Variants in DLGAP2 observed in about 807,000 individuals in gnomAD.
DLGAP2 encodes the protein disks large-associated protein 2.
In DLGAP2, 26 loss-of-function variants were observed where a neutral mutation model predicts 100.3. That is an observed-to-expected ratio of 0.26 (90% CI 0.19 to 0.36). The LOEUF is 0.36. Among genes scored for constraint, DLGAP2 ranks in the 10% least tolerant of loss-of-function variants. The pLI is 1.00. For synonymous variants in DLGAP2, 886 were observed against 630.1 expected (o/e 1.41, Z -6.08); for missense variants, 1,858 against 1,453.2 (o/e 1.28, Z -4.53).
At chr8:1,626,969 G>T (rs1007081095) in intron 7 of DLGAP2, 82 bp downstream of exon 7, 10 of 1,489,072 alleles carry the variant, frequency 6.7e-6, no homozygotes, top group South Asian at 6.5e-5. Flanking sequence ...CATAGGTGGC[G>T]ATGGCGCTGC....
At chr8:1,664,371 C>G (rs547253566) in intron 8 of DLGAP2, among the ~76,000 whole-genome samples, 1 of 152,250 alleles carries the variant, frequency 6.6e-6, no homozygotes, top group East Asian at 1.9e-4. Flanking sequence ...CACGGCCAGG[C>G]TCACCCCCAG....
intron 2 of DLGAP2, among the ~76,000 whole-genome samples, chr8:1,185,276 A>G (rs190093793): frequency 5.9e-5 from 9 of 151,968 alleles, no homozygotes. Flanking sequence ...TTCTTTGTCA[A>G]ACTTCAGGGC....
intron 3 of DLGAP2, among the ~76,000 whole-genome samples, chr8:1,285,209 C>G (rs1421689954): frequency 1.3e-5 from 2 of 152,128 alleles, no homozygotes; most frequent in Non-Finnish European, 2.9e-5. Flanking sequence ...TGGCTCCCAT[C>G]GTGGACTGAG....
At chr8:1,119,820 G>A (rs1795993731) in intron 2 of DLGAP2, among the ~76,000 whole-genome samples, 1 of 152,224 alleles carries the variant, frequency 6.6e-6, no homozygotes, top group Non-Finnish European at 1.5e-5. Flanking sequence ...CCTTGACTTA[G>A]GAGAGTGGTT....
At chr8:770,953 T>C (rs1012772144) in intron 1 of DLGAP2, among the ~76,000 whole-genome samples, 2 of 152,100 alleles carry the variant, frequency 1.3e-5, no homozygotes, top group African/African-American at 2.4e-5. Context: ...GATGTGGTCT[T>C]CTTAGTGTAA....
At chr8:1,444,261 G>A (rs772855353) in intron 3 of DLGAP2, among the ~76,000 whole-genome samples, 11 of 152,110 alleles carry the variant, frequency 7.2e-5, no homozygotes, top group Non-Finnish European at 1.3e-4. Context: ...CAATATCATC[G>A]TCTTCAATAC....
intron 6 of DLGAP2, among the ~76,000 whole-genome samples, chr8:1,625,905 G>T (rs181950991): frequency 2.0e-5 from 3 of 151,964 alleles, no homozygotes; most frequent in African/African-American, 7.2e-5. Flanking sequence ...CAGACATTCA[G>T]TTGGAAATGT....
intron 1 of DLGAP2, among the ~76,000 whole-genome samples, chr8:823,550 C>T (rs903202033): frequency 6.6e-6 from 1 of 152,182 alleles, no homozygotes; most frequent in Non-Finnish European, 1.5e-5. Flanking sequence ...AGACCCTTGA[C>T]TTCCGTCAGC....
intron 6 of DLGAP2, among the ~76,000 whole-genome samples, chr8:1,592,314 T>G (rs529183905): frequency 1.3e-5 from 2 of 152,282 alleles, no homozygotes; most frequent in Admixed American, 1.3e-4. Flanking sequence ...GTAAAAATCT[T>G]TAATTATGAA....
At chr8:1,418,525 G>C (rs962470385) in intron 3 of DLGAP2, among the ~76,000 whole-genome samples, 4 of 152,088 alleles carry the variant, frequency 2.6e-5, no homozygotes, top group African/African-American at 9.7e-5. Flanking sequence ...TACTTTCACA[G>C]TCAAAATGGA....
rs746843907 is a variant in DLGAP2 at position 1,668,457 on chromosome 8, G to T, written c.1939G>T (p.Ala647Ser). The change falls in exon 9 of 15, where the codon GCA (alanine) becomes TCA (serine). Residue 647 changes from alanine to serine, a missense_variant. Physicochemically the swap from Ala to Ser is moderately conservative, Grantham distance 99. Coordinates refer to ENST00000637795, the MANE Select transcript of DLGAP2 (RefSeq NM_001346810.2). ...STQDAYQDSR[A>S]QRMSPWPQDS... ...CCAGGACGCCTACCAGGACAGCCGCGCACAGAGGATGTCCCCGTGGCCCCA... is the reference window on the plus strand; with the variant it reads ...CCAGGACGCCTACCAGGACAGCCGCTCACAGAGGATGTCCCCGTGGCCCCA... 2 of 1,595,618 alleles carry T rather than the reference G, an allele frequency of 1.3e-6. No individual in the cohort carries two copies. Among genetic ancestry groups the T allele is most frequent in the Non-Finnish European group, 1.7e-6 (2 of 1,171,924 alleles).
intron 6 of DLGAP2, among the ~76,000 whole-genome samples, chr8:1,603,398 G>A (rs1018463214): frequency 6.6e-6 from 1 of 151,358 alleles, no homozygotes; most frequent in African/African-American, 2.4e-5. Flanking sequence ...GTTCTGTAGA[G>A]GCTGGTTAGA....
At chr8:833,998 G>A (rs1796827574) in intron 1 of DLGAP2, among the ~76,000 whole-genome samples, 1 of 152,222 alleles carries the variant, frequency 6.6e-6, no homozygotes, top group Non-Finnish European at 1.5e-5. Context: ...GCTCGCCCTT[G>A]TGTGGGACAC....
intron 2 of DLGAP2, among the ~76,000 whole-genome samples, chr8:1,167,168 A>C (rs936311306): frequency 6.6e-6 from 1 of 152,120 alleles, no homozygotes; most frequent in African/African-American, 2.4e-5. Context: ...CAATTTGTAA[A>C]AGCCTCCTGA....
At chr8:1,087,483 G>A (rs1804012978) in intron 2 of DLGAP2, among the ~76,000 whole-genome samples, 2 of 151,316 alleles carry the variant, frequency 1.3e-5, no homozygotes, top group African/African-American at 4.9e-5. Flanking sequence ...TTGGCAGGAT[G>A]ATTTGTAATC....
At chr8:1,638,556 C>T (rs1237607200) in intron 8 of DLGAP2, among the ~76,000 whole-genome samples, 5 of 152,246 alleles carry the variant, frequency 3.3e-5, no homozygotes, top group African/African-American at 1.2e-4. Context: ...CAGAAGAGCA[C>T]GGAGAAGACA....
chr8:1,338,287 T>C (rs1349080056), intron 3 of DLGAP2, among the ~76,000 whole-genome samples: 1 of 152,230 alleles, frequency 6.6e-6, no homozygotes, highest in Non-Finnish European at 1.5e-5. Flanking sequence ...ATGTTCCCCA[T>C]TAGCCCATCT....
intron 1 of DLGAP2, among the ~76,000 whole-genome samples, chr8:796,448 C>T (rs1372965691): frequency 6.6e-6 from 1 of 152,004 alleles, no homozygotes; most frequent in African/African-American, 2.4e-5. Context: ...TGATGCTGTT[C>T]TGTAAAATCT....
At chr8:874,352 C>T (rs1252221387) in intron 1 of DLGAP2, among the ~76,000 whole-genome samples, 1 of 152,010 alleles carries the variant, frequency 6.6e-6, no homozygotes, top group Non-Finnish European at 1.5e-5. Flanking sequence ...CTATAAATTT[C>T]CCTTGAACCC....
Sources: allele counts gnomAD v4.1 joint callset (sites outside exome capture counted in the v4.1 genomes callset), GRCh38; gene constraint gnomAD v4.1.1; transcripts MANE v1.5; gene names NCBI Gene and HGNC (gene_info 2026-07-23, HGNC 2026-07-21).